TRPM3: variants seen among roughly 807,000 people sequenced by gnomAD.
TRPM3 encodes the protein transient receptor potential cation channel subfamily M member 3, also known as long transient receptor potential channel 3.
A neutral mutation model predicts 181.2 loss-of-function variants in TRPM3; 77 were observed. That is an observed-to-expected ratio of 0.42 (90% CI 0.35 to 0.51). The LOEUF is 0.51. Among genes scored for constraint, TRPM3 ranks in the 20% least tolerant of loss-of-function variants. TRPM3 has a pLI of 0.01. For missense variants in TRPM3, 1,759 were observed against 2,196.7 expected (o/e 0.80, Z 3.98); for synonymous variants, 745 against 796.4 (o/e 0.94, Z 1.09).
At chr9:71,030,278 T>C (rs1477595462) in intron 1 of TRPM3, among the ~76,000 whole-genome samples, 1 of 152,174 alleles carries the variant, frequency 6.6e-6, no homozygotes, top group African/African-American at 2.4e-5. Context: ...AGTTTAAAGA[T>C]TGCAGACCAG....
At chr9:70,936,932 A>C (rs890868788) in intron 1 of TRPM3, among the ~76,000 whole-genome samples, 1 of 152,194 alleles carries the variant, frequency 6.6e-6, no homozygotes, top group Non-Finnish European at 1.5e-5. Context: ...CATACAAAAA[A>C]CACACAGCTT....
intron 1 of TRPM3, among the ~76,000 whole-genome samples, chr9:71,404,100 C>T (rs1487541387): frequency 1.3e-5 from 2 of 152,116 alleles, no homozygotes; most frequent in East Asian, 3.9e-4. Context: ...GGAAACGAGT[C>T]ACTCAGCGCC....
chr9:70,868,569 C>G (rs2095708432), intron 1 of TRPM3, among the ~76,000 whole-genome samples: 2 of 152,040 alleles, frequency 1.3e-5, no homozygotes, highest in South Asian at 4.1e-4. Flanking sequence ...GCTATCGAAT[C>G]AAGTTCTCCA....
intron 1 of TRPM3, among the ~76,000 whole-genome samples, chr9:70,994,363 G>A (rs1011357416): frequency 6.6e-6 from 1 of 152,100 alleles, no homozygotes; most frequent in African/African-American, 2.4e-5. Context: ...AGCTTACCCA[G>A]GTGTATGTAA....
At chr9:71,103,767 C>T (rs984163970) in intron 1 of TRPM3, among the ~76,000 whole-genome samples, 21 of 152,318 alleles carry the variant, frequency 1.4e-4, no homozygotes, top group African/African-American at 3.6e-4. Flanking sequence ...TGGCATCTCA[C>T]GCATAGCACG....
intron 1 of TRPM3, among the ~76,000 whole-genome samples, chr9:71,086,335 TA>T (rs2065254921): frequency 1.3e-5 from 2 of 151,806 alleles, no homozygotes; most frequent in South Asian, 4.1e-4. Flanking sequence ...AAACCTAAAA[TA>T]AGAGTTGAAA....
At chr9:71,173,680 C>G (rs1565304036) in intron 1 of TRPM3, among the ~76,000 whole-genome samples, 1 of 152,286 alleles carries the variant, frequency 6.6e-6, no homozygotes, top group East Asian at 1.9e-4. Flanking sequence ...AGAAAAGCAG[C>G]TTTGGAGAGA....
intron 1 of TRPM3, among the ~76,000 whole-genome samples, chr9:71,352,743 C>G (rs1011687690): frequency 9.2e-5 from 14 of 152,162 alleles, no homozygotes; most frequent in African/African-American, 3.4e-4. Context: ...CCTGGCTGGC[C>G]CAACCACTAC....
At chr9:71,004,365 A>C (rs2097650733) in intron 1 of TRPM3, among the ~76,000 whole-genome samples, 1 of 152,218 alleles carries the variant, frequency 6.6e-6, no homozygotes. Flanking sequence ...CAAGGGCAGC[A>C]CAACAATTCA....
intron 1 of TRPM3, among the ~76,000 whole-genome samples, chr9:71,291,779 A>G (rs530328003): frequency 6.6e-6 from 1 of 152,172 alleles, no homozygotes; most frequent in Admixed American, 6.6e-5. Flanking sequence ...TCAAAAAGAA[A>G]TTATTGAAAT....
At chr9:70,928,080 T>G (rs2096739187) in intron 1 of TRPM3, among the ~76,000 whole-genome samples, 1 of 152,170 alleles carries the variant, frequency 6.6e-6, no homozygotes, top group Non-Finnish European at 1.5e-5. Context: ...ATCTGGATAT[T>G]TAGGTAATAG....
chr9:70,979,787 G>A (rs3124648), intron 1 of TRPM3, among the ~76,000 whole-genome samples: 151,935 of 152,250 alleles, frequency 1, 75,810 homozygotes, highest in Middle Eastern at 1. Flanking sequence ...GTCCAAGATC[G>A]AAGTTCTGGT....
chr9:71,275,797 G>A (rs2084161380), intron 1 of TRPM3, among the ~76,000 whole-genome samples: 1 of 151,750 alleles, frequency 6.6e-6, no homozygotes, highest in Non-Finnish European at 1.5e-5. Context: ...GTGCATAAAT[G>A]CAATATATGA....
chr9:71,001,107 C>T (rs1268303029), intron 1 of TRPM3, among the ~76,000 whole-genome samples: 4 of 152,286 alleles, frequency 2.6e-5, no homozygotes, highest in East Asian at 1.9e-4. Flanking sequence ...AGTGGTAGTT[C>T]ATGGGTGGGT....
intron 1 of TRPM3, among the ~76,000 whole-genome samples, chr9:71,372,871 T>C (rs2092561378): frequency 1.3e-5 from 2 of 152,152 alleles, no homozygotes; most frequent in South Asian, 4.1e-4. Context: ...TATCATATGA[T>C]AGAAGTAAAA....
chr9:71,028,630 GAAAAA>G (rs201506044), intron 1 of TRPM3, among the ~76,000 whole-genome samples: 1 of 99,750 alleles, frequency 1.0e-5, no homozygotes, highest in Admixed American at 1.0e-4. Flanking sequence ...TCTACCAAAT[GAAAAA>G]AAAAAAAAAG....
chr9:71,365,797 A>G (rs2092316290), intron 1 of TRPM3, among the ~76,000 whole-genome samples: 1 of 152,096 alleles, frequency 6.6e-6, no homozygotes, highest in Non-Finnish European at 1.5e-5. Flanking sequence ...AGTATATAGC[A>G]CCTATTGTTC....
At chr9:70,641,536 G>C (rs560051883) in intron 9 of TRPM3, among the ~76,000 whole-genome samples, 2 of 152,138 alleles carry the variant, frequency 1.3e-5, no homozygotes, top group Non-Finnish European at 2.9e-5. Context: ...TATTTCCCAG[G>C]TTCTTATTTT....
chr9:70,565,001 T>C (rs547332049), intron 22 of TRPM3, among the ~76,000 whole-genome samples: 14 of 152,344 alleles, frequency 9.2e-5, no homozygotes. Context: ...CTCTGTTTAC[T>C]GTTAAAACTT....
Sources: gnomAD v4.1 joint callset for allele counts (sites outside exome capture counted in the v4.1 genomes callset) on GRCh38, gnomAD v4.1.1 for gene constraint, MANE v1.5 for transcripts, NCBI Gene and HGNC (gene_info 2026-07-23, HGNC 2026-07-21) for gene names.